EPHB2: variants seen among roughly 807,000 people sequenced by gnomAD.
EPHB2 encodes the protein EPH receptor B2.
A neutral mutation model predicts 96.4 loss-of-function variants in EPHB2; 18 were observed. The observed-to-expected ratio is 0.19, with a 90% confidence interval of 0.13 to 0.28. The LOEUF (loss-of-function observed/expected upper bound fraction) is 0.28, where lower values mean the gene tolerates loss of function less well. Ranked by LOEUF, EPHB2 falls within the 10% of genes least tolerant of loss-of-function variation. EPHB2 has a pLI of 1.00. For synonymous variants in EPHB2, 506 were observed against 534.1 expected, an observed-to-expected ratio of 0.95 and a Z score of 0.72; for missense variants, 989 against 1,355.4, an observed-to-expected ratio of 0.73 and a Z score of 4.25.
At chr1:22,829,852 C>A (rs1220329060) in intron 3 of EPHB2, among the ~76,000 whole-genome samples, 1 of 152,078 alleles carries the variant, frequency 6.6e-6, no homozygotes, top group Non-Finnish European at 1.5e-5. Flanking sequence ...GGACAAAAGG[C>A]CCAGGAGACA....
rs1190319331 is a variant in EPHB2 at position 22,908,977 on chromosome 1, C to A, written c.2353-45C>A. 4 of 1,612,904 alleles carry A rather than the reference C, an allele frequency of 2.5e-6. No individual in the cohort carries two copies. The African/African-American group carries it at 5.3e-5, about 22-fold the overall frequency. On this transcript the variant is annotated intron_variant, in intron 12 of 15. Coordinates refer to ENST00000374630, the MANE Select transcript of EPHB2 (RefSeq NM_017449.5). ...GGGAGGATTAAGAGAAGAGGTCAGA[C>A]AGGCCAGCCTCCCACCCACAAACCC...
At chr1:22,763,110 TGA>T (rs1644257681) in intron 1 of EPHB2, among the ~76,000 whole-genome samples, 1 of 152,120 alleles carries the variant, frequency 6.6e-6, no homozygotes, top group South Asian at 2.1e-4. Flanking sequence ...CTGAGTGGTC[TGA>T]GAGTGGACAG....
intron 1 of EPHB2, among the ~76,000 whole-genome samples, chr1:22,735,528 G>C (rs1383803841): frequency 6.6e-6 from 1 of 152,060 alleles, no homozygotes; most frequent in Non-Finnish European, 1.5e-5. Context: ...CTTTGGAAAA[G>C]ACTGCTGGCT....
In EPHB2 at chr1:22,784,965, G is replaced by A. The variant is rs1389541337; in HGVS notation, c.700G>A (p.Asp234Asn). 6.2e-7 allele frequency: 1 copy of A among 1,613,874 alleles called. No individual in the cohort carries two copies. The highest frequency in any genetic ancestry group is 8.5e-7 in the Non-Finnish European group (1 of 1,180,062). The change falls in exon 3 of 16, where the codon GAT becomes AAT. Residue 234 changes from aspartate (D) to asparagine (N), a missense_variant. Coordinates refer to ENST00000374630, the MANE Select transcript of EPHB2 (RefSeq NM_017449.5). The surrounding 1 kb of genome is among the most constrained non-coding windows in gnomAD (Gnocchi z 5.1). The part of the protein sequence containing the change: ...GSCIANAEEV[D>N]VPIKLYCNGD... ...CTGCATCGCCAATGCGGAAGAGGTG[G>A]ATGTACCCATCAAGCTCTACTGTAA...
At position 22,812,554 on chromosome 1, in the gene EPHB2, G is replaced by A. The variant is rs192719466; in HGVS notation, c.811+27478G>A. 2.0e-3 allele frequency among the ~76,000 whole-genome samples: 306 copies of A among 152,326 alleles called. 1 individual carries two copies. The highest frequency in any genetic ancestry group is 6.5e-3 in the African/African-American group (270 of 41,570). ...GGGCGGGGGCTGTGGAGAGCGAGAC[G>A]TTGCCTGTGAAGGCAGGAGGGAGGG... On this transcript the variant is annotated intron_variant, in intron 3 of 15. Transcript: ENST00000374630.
In EPHB2 at chr1:22,846,322, A is replaced by G. The variant is rs1473679484; in HGVS notation, c.812-16715A>G. On this transcript the variant is annotated intron_variant, in intron 3 of 15. Transcript: ENST00000374630. The surrounding 1 kb of genome is among the most constrained non-coding windows in gnomAD (Gnocchi z 4.3). ...TCCCAGCTACTAGGGAGGCTGAGGC[A>G]GGAGAATCACTTGAACCCGGGAGGT... Among the ~76,000 whole-genome samples the G allele has an allele frequency of 6.6e-6, 1 of 151,910 alleles. No homozygotes were observed. The highest frequency in any genetic ancestry group is 1.5e-5 in the Non-Finnish European group (1 of 67,988).
chr1:22,852,809 T>TCTGCTCTGTGC (rs2148510929), intron 3 of EPHB2, among the ~76,000 whole-genome samples: 1 of 152,350 alleles, frequency 6.6e-6, no homozygotes, highest in South Asian at 2.1e-4. Flanking sequence ...TTATGGAGCA[T>TCTGCTCTGTGC]CTGCTCTGTG....
At chr1:22,724,346 G>A (rs565991224) in intron 1 of EPHB2, among the ~76,000 whole-genome samples, 38 of 152,262 alleles carry the variant, frequency 2.5e-4, no homozygotes, top group African/African-American at 7.0e-4. Flanking sequence ...TAATTGACTC[G>A]TGTTGTCTAA....
intron 6 of EPHB2, chr1:22,891,397 A>G (rs1054889054): frequency 2.9e-6 from 1 of 350,848 alleles, no homozygotes; most frequent in Non-Finnish European, 5.6e-6. Context: ...GTCAGAAAAA[A>G]ATTGTCTCAG....
rs114262797 is a variant in EPHB2, at chr1:22,792,715, G to A, written c.811+7639G>A. On this transcript the variant is annotated intron_variant, in intron 3 of 15. Transcript: ENST00000374630. Reference sequence around the variant, plus strand: ...ATTGAGGACCAGGAAGCTAACACTTGTTGAGTGTCATGTGCCAGGCATTAG... The same window carrying A: ...ATTGAGGACCAGGAAGCTAACACTTATTGAGTGTCATGTGCCAGGCATTAG... Among the ~76,000 whole-genome samples the A allele has an allele frequency of 4.2e-3, 642 of 152,272 alleles. 5 individuals are homozygous for A. The highest frequency in any genetic ancestry group is 0.014 in the African/African-American group (597 of 41,556).
intron 3 of EPHB2, among the ~76,000 whole-genome samples, chr1:22,850,690 A>G (rs1194202436): frequency 1.3e-5 from 2 of 152,152 alleles, no homozygotes; most frequent in African/African-American, 4.8e-5. Context: ...GGAGAAGGGG[A>G]TACTCGATCG....
intron 6 of EPHB2, 26 bp from the exon 7 acceptor site, chr1:22,892,858 T>C (rs1428515713): frequency 6.2e-7 from 1 of 1,614,146 alleles, no homozygotes; most frequent in Non-Finnish European, 8.5e-7. Context: ...ACAACCTCAC[T>C]AATTTTCTTC....
chr1:22,845,087 G>A (rs1422839965), intron 3 of EPHB2, among the ~76,000 whole-genome samples: 2 of 152,230 alleles, frequency 1.3e-5, no homozygotes, highest in African/African-American at 4.8e-5. Context: ...GCTCCATCCA[G>A]CGTGGAGTCC....
chr1:22,784,545 G>C lies in EPHB2; in HGVS notation c.280G>C (p.Val94Leu). The change falls in exon 3 of 16, where the codon GTG (valine) becomes CTG (leucine). Residue 94 changes from valine (V) to leucine (L), a missense_variant. By Grantham distance (32) the Val-to-Leu change is conservative (BLOSUM62 1). Transcript: ENST00000374630. This position sits in a 1 kb window ranked among gnomAD's most constrained non-coding sequence, Gnocchi z 5.1. Reference sequence around the variant, plus strand: ...CATCCACGTGGAGATGAAGTTTTCGGTGCGTGACTGCAGCAGCATCCCCAG... The same window carrying C: ...CATCCACGTGGAGATGAAGTTTTCGCTGCGTGACTGCAGCAGCATCCCCAG... ...HRIHVEMKFS[V>L]RDCSSIPSVP... 2 of 1,614,132 alleles carry C rather than the reference G, an allele frequency of 1.2e-6. No individual in the cohort carries two copies. Among genetic ancestry groups the C allele is most frequent in the Non-Finnish European group, 1.7e-6 (2 of 1,179,986 alleles).
intron 3 of EPHB2, among the ~76,000 whole-genome samples, chr1:22,829,807 G>A (rs1165447441): frequency 6.6e-6 from 1 of 152,118 alleles, no homozygotes; most frequent in Non-Finnish European, 1.5e-5. Flanking sequence ...TAGGGATGAC[G>A]GATGGCAGGG....
chr1:22,804,154 G>T (rs1029402665), intron 3 of EPHB2, among the ~76,000 whole-genome samples: 1 of 152,170 alleles, frequency 6.6e-6, no homozygotes, highest in Admixed American at 6.5e-5. Context: ...ACTCAGGACC[G>T]CATTAGACCT....
chr1:22,763,583 C>A (rs147876170), intron 1 of EPHB2, among the ~76,000 whole-genome samples: 1 of 152,212 alleles, frequency 6.6e-6, no homozygotes, highest in East Asian at 1.9e-4. Context: ...GGTTTCTCAG[C>A]GGCAAGGAGT....
intron 3 of EPHB2, among the ~76,000 whole-genome samples, chr1:22,800,771 GACACACACAC>G (rs71666873): frequency 1.3e-5 from 2 of 148,456 alleles, no homozygotes; most frequent in Admixed American, 1.3e-4. Flanking sequence ...GTGTGTATGT[GACACACACAC>G]ACACACACAC....
At chr1:22,765,150 T>A (rs1644289913) in intron 1 of EPHB2, among the ~76,000 whole-genome samples, 1 of 152,076 alleles carries the variant, frequency 6.6e-6, no homozygotes, top group Non-Finnish European at 1.5e-5. Flanking sequence ...CACTGAGTGT[T>A]TGACAGGGAG....
Sources: gnomAD v4.1 joint callset for allele counts (sites outside exome capture counted in the v4.1 genomes callset) on GRCh38, gnomAD v4.1.1 for gene constraint, Gnocchi (gnomAD v3.1) non-coding constraint, MANE v1.5 for transcripts, NCBI Gene and HGNC (gene_info 2026-07-23, HGNC 2026-07-21) for gene names.